The following XPR1 variants were observed in gnomAD, a reference collection of about 807,000 sequenced individuals.
XPR1 encodes xenotropic and polytropic retrovirus receptor 1, also known as solute carrier family 53 member 1.
A neutral mutation model predicts 87.5 loss-of-function variants in XPR1; 28 were observed. That is an observed-to-expected ratio of 0.32 (90% CI 0.24 to 0.44). The LOEUF (loss-of-function observed/expected upper bound fraction) is 0.44, where lower values mean the gene tolerates loss of function less well. XPR1 is among the 20% of genes least tolerant of loss of function. XPR1 has a pLI of 1.00. For synonymous variants in XPR1, 300 were observed against 306.1 expected (o/e 0.98, Z 0.21); for missense variants, 559 against 862.3 (o/e 0.65, Z 4.41).
At chr1:180,632,472 T>C (rs1045243402) in intron 1 of XPR1, among the ~76,000 whole-genome samples, 2 of 152,028 alleles carry the variant, frequency 1.3e-5, no homozygotes, top group African/African-American at 4.8e-5. Flanking sequence ...GCAGCCCCGC[T>C]GCCGCCGGGG....
chr1:180,880,247 A>T lies in XPR1; in HGVS notation c.1980A>T (p.Ser660=). Residue 660 remains serine (S), a synonymous_variant, in exon 14 of 15, where the codon TCA becomes TCT. Transcript: ENST00000367590. The part of the protein sequence containing the change: ...DGVRNRQKNR[S]WKYNQSISLR... The stretch of plus-strand genomic sequence containing the variant: ...TACGAAACCGCCAGAAGAATCGGTC[A>T]TGGAAGTACAACCAGAGCATATCCC... The T allele has an allele frequency of 1.9e-6, 3 of 1,614,226 alleles. No homozygotes were observed. In the East Asian group the frequency reaches 6.7e-5, roughly 36 times the overall value.
chr1:180,801,903 T>A (rs1649800369), intron 3 of XPR1, among the ~76,000 whole-genome samples: 1 of 151,818 alleles, frequency 6.6e-6, no homozygotes, highest in African/African-American at 2.4e-5. Flanking sequence ...TTCAAGCAAT[T>A]CTCTTGCCTC....
Position 180,888,571 on chromosome 1 carries a change from ACTT to A in XPR1, c.*4508_*4510del, listed in dbSNP as rs1464505650. 1 of 151,990 alleles carries A rather than the reference ACTT, an allele frequency of 6.6e-6. No homozygotes were observed. The highest frequency in any genetic ancestry group is 1.9e-4 in the East Asian group (1 of 5,182). The allele number at this position is 151,990 out of a possible 1,614,324, so 9.4% of individuals were successfully genotyped here. A position where few individuals can be genotyped will look rare whatever the true frequency, so the allele number is the denominator to read the frequency against. Reference sequence around the variant, plus strand: ...TGAAGACAATTGAAGCTTTGGTAGAACTTCTGCAAAAGTTAGGTAAAGAAGAAT... The same window carrying A: ...TGAAGACAATTGAAGCTTTGGTAGAACTGCAAAAGTTAGGTAAAGAAGAAT... On this transcript the variant is annotated 3_prime_UTR_variant, in exon 15 of 15. Transcript: ENST00000367590.
chr1:180,668,330 T>C (rs1656036884), intron 1 of XPR1, among the ~76,000 whole-genome samples: 1 of 151,934 alleles, frequency 6.6e-6, no homozygotes, highest in Non-Finnish European at 1.5e-5. Flanking sequence ...GGTTTCACCA[T>C]GTTGGCCAGG....
chr1:180,816,791 GATA>G (rs1324297718), intron 7 of XPR1, among the ~76,000 whole-genome samples: 1 of 152,198 alleles, frequency 6.6e-6, no homozygotes, highest in Non-Finnish European at 1.5e-5. Context: ...ACTTGATCAT[GATA>G]ATAAATGACT....
intron 1 of XPR1, among the ~76,000 whole-genome samples, chr1:180,659,384 C>G (rs1236971688): frequency 7.8e-5 from 1 of 12,832 alleles, no homozygotes; most frequent in East Asian, 7.0e-3. Flanking sequence ...TCCTTCCGTC[C>G]TTCCTTCCTT....
intron 9 of XPR1, among the ~76,000 whole-genome samples, chr1:180,830,354 C>T (rs1044588044): frequency 5.3e-5 from 8 of 152,094 alleles, no homozygotes; most frequent in African/African-American, 1.9e-4. Flanking sequence ...GAAAGTATAT[C>T]AGCACCAGAA....
intron 2 of XPR1, among the ~76,000 whole-genome samples, chr1:180,695,181 A>G (rs1353987182): frequency 6.6e-6 from 1 of 152,086 alleles, no homozygotes; most frequent in Non-Finnish European, 1.5e-5. Flanking sequence ...CCTATTGGCC[A>G]TTTGTATGTC....
chr1:180,664,134 T>A (rs544934216), intron 1 of XPR1, among the ~76,000 whole-genome samples: 1 of 152,308 alleles, frequency 6.6e-6, no homozygotes, highest in South Asian at 2.1e-4. Context: ...TTTCCTACTG[T>A]CGATGAGCTG....
chr1:180,650,226 G>GT (rs1557938434), intron 1 of XPR1, among the ~76,000 whole-genome samples: 1 of 151,750 alleles, frequency 6.6e-6, no homozygotes, highest in Non-Finnish European at 1.5e-5. Context: ...ATTTACCGCC[G>GT]TCCCCCCAAC....
chr1:180,645,238 T>A (rs1005578496), intron 1 of XPR1, among the ~76,000 whole-genome samples: 4 of 152,202 alleles, frequency 2.6e-5, no homozygotes, highest in Non-Finnish European at 4.4e-5. Flanking sequence ...CTTTCCCAGT[T>A]TGGGGGTCTT....
intron 2 of XPR1, among the ~76,000 whole-genome samples, chr1:180,686,246 C>A (rs1008510573): frequency 1.4e-4 from 22 of 151,972 alleles, no homozygotes; most frequent in African/African-American, 5.3e-4. Context: ...TGTTATGTAC[C>A]CAGTAGTCAT....
At chr1:180,761,952 A>T (rs1482806026) in intron 2 of XPR1, among the ~76,000 whole-genome samples, 12 of 152,008 alleles carry the variant, frequency 7.9e-5, no homozygotes, top group East Asian at 1.9e-4. Flanking sequence ...TAAAAAATGA[A>T]GAGTTCATGT....
chr1:180,760,064 C>A (rs915780578), intron 2 of XPR1, among the ~76,000 whole-genome samples: 1 of 150,772 alleles, frequency 6.6e-6, no homozygotes, highest in Non-Finnish European at 1.5e-5. Context: ...AATTCAGCAA[C>A]CCTTCATGCT....
At chr1:180,812,649 C>CTTT (rs955473305) in intron 7 of XPR1, among the ~76,000 whole-genome samples, 10 of 134,320 alleles carry the variant, frequency 7.4e-5, no homozygotes, top group African/African-American at 2.5e-4. Context: ...GCAGCCATTT[C>CTTT]TTTTTTTTTT....
At chr1:180,759,178 T>C (rs1396702131) in intron 2 of XPR1, among the ~76,000 whole-genome samples, 1 of 152,018 alleles carries the variant, frequency 6.6e-6, no homozygotes, top group East Asian at 1.9e-4. Flanking sequence ...AGATCTAAAA[T>C]TGACACCCTA....
intron 11 of XPR1, among the ~76,000 whole-genome samples, chr1:180,860,554 A>G (rs553681805): frequency 2.0e-5 from 3 of 152,320 alleles, no homozygotes; most frequent in African/African-American, 7.2e-5. Context: ...ATGCAACAAC[A>G]TGGATAAATC....
intron 2 of XPR1, among the ~76,000 whole-genome samples, chr1:180,721,884 A>G (rs749611587): frequency 2.6e-4 from 40 of 152,142 alleles, no homozygotes; most frequent in Non-Finnish European, 4.4e-4. Context: ...AACATACAAA[A>G]TATGTGTTAA....
chr1:180,857,040 A>G (rs907832222), intron 11 of XPR1, among the ~76,000 whole-genome samples: 1 of 152,266 alleles, frequency 6.6e-6, no homozygotes, highest in Non-Finnish European at 1.5e-5. Context: ...TTGACTATAT[A>G]TTAAATGTAA....
Sources: gnomAD v4.1 joint callset for allele counts (sites outside exome capture counted in the v4.1 genomes callset) on GRCh38, gnomAD v4.1.1 for gene constraint, MANE v1.5 for transcripts, NCBI Gene and HGNC (gene_info 2026-07-23, HGNC 2026-07-21) for gene names.